The following AKTIP variants were observed in gnomAD, a reference collection of about 807,000 sequenced individuals.
AKTIP encodes AKT-interacting protein.
A neutral mutation model predicts 39.1 loss-of-function variants in AKTIP; 16 were observed. The observed-to-expected ratio is 0.41, with a 90% CI of 0.28 to 0.62. AKTIP has a LOEUF of 0.62. AKTIP is among the 20% of genes least tolerant of loss of function. The pLI, the probability that AKTIP is intolerant of heterozygous loss-of-function variation, is 0.32. For missense variants in AKTIP, 262 were observed against 356.6 expected (o/e 0.73, Z 2.14); for synonymous variants, 93 against 124.3 (o/e 0.75, Z 1.67).
chr16:53,498,187 C>T (rs954975169), intron 3 of AKTIP, among the ~76,000 whole-genome samples: 5 of 152,220 alleles, frequency 3.3e-5, no homozygotes, highest in Non-Finnish European at 5.9e-5. Context: ...CTATTTTTAT[C>T]TCTCTACCTA....
At chr16:53,492,541 G>C (rs570678548) in intron 9 of AKTIP, 22 bp from the exon 10 acceptor site, 2 of 1,612,682 alleles carry the variant, frequency 1.2e-6, no homozygotes, top group East Asian at 2.2e-5. Flanking sequence ...AATCAAAACA[G>C]ATATTTAAAA....
intron 8 of AKTIP, 50 bp downstream of exon 8, chr16:53,494,088 G>T: frequency 7.4e-7 from 1 of 1,347,906 alleles, no homozygotes; most frequent in Non-Finnish European, 1.1e-6. Flanking sequence ...AAAGGAAGCA[G>T]TGTATTGGAA....
At chr16:53,498,819 A>T (rs1163444997) in intron 2 of AKTIP, among the ~76,000 whole-genome samples, 1 of 152,168 alleles carries the variant, frequency 6.6e-6, no homozygotes, top group African/African-American at 2.4e-5. Flanking sequence ...ATATAGGGAA[A>T]CTCATCCTAT....
rs56138099 is a variant in AKTIP at position 53,499,449 on chromosome 16, G to GT, written c.42+768dup. On this transcript the variant is annotated intron_variant, in intron 2 of 9. Transcript: ENST00000394657. ...TTGTTCTCCTAGAGGTGAGATTATA[G>GT]TTTTTTTTTTTTTTTTTTCTTTTTG... Among the ~76,000 whole-genome samples, 964 of 130,702 alleles carry GT rather than the reference G, an allele frequency of 7.4e-3. 10 individuals are homozygous for GT. The highest frequency in any genetic ancestry group is 0.021 in the East Asian group (100 of 4,716). 85.7% of individuals were successfully genotyped at this position (130,702 alleles called of 152,430 possible).
chr16:53,492,319 G>GTT lies in AKTIP; in HGVS notation c.*91_*92dup, dbSNP rs1567754823. ...CTGGCAGTCAGTCATTGTTCACACA[G>GTT]TTTTACTCTTCAGGCAGTCCTCTGC... On this transcript the variant is annotated 3_prime_UTR_variant, in exon 10 of 10. Coordinates refer to ENST00000394657, the MANE Select transcript of AKTIP (RefSeq NM_022476.4). The GTT allele has an allele frequency of 9.2e-7, 1 of 1,092,408 alleles. No individual in the cohort carries two copies. The highest frequency in any genetic ancestry group is 1.6e-5 in the African/African-American group (1 of 63,800). The allele number at this position is 1,092,408 out of a possible 1,614,324, so 67.7% of individuals were successfully genotyped here.
chr16:53,500,102 G>C, intron 2 of AKTIP, 116 bp downstream of exon 2: 1 of 706,276 alleles, frequency 1.4e-6, no homozygotes, highest in East Asian at 2.8e-5. Context: ...GAAAAACCAG[G>C]TAATTTTGTC....
chr16:53,500,295 T>A lies in AKTIP; in HGVS notation c.-36A>T, dbSNP rs766749641. 1 of 1,605,508 alleles carries A rather than the reference T, an allele frequency of 6.2e-7. No homozygotes were observed. Among genetic ancestry groups the A allele is most frequent in the Non-Finnish European group, 8.5e-7 (1 of 1,177,528 alleles). ...CCAAACAAAGAAAGTCAGTGGTGTATCATCCAAATCTTCTGTCTTCGGCAT... is the reference window on the plus strand; with the variant it reads ...CCAAACAAAGAAAGTCAGTGGTGTAACATCCAAATCTTCTGTCTTCGGCAT... On this transcript the variant is annotated 5_prime_UTR_variant, in exon 2 of 10. Coordinates refer to ENST00000394657, the MANE Select transcript of AKTIP (RefSeq NM_022476.4).
At chr16:53,495,348 T>A in intron 3 of AKTIP, 22 bp from the exon 4 acceptor site, 1 of 1,612,586 alleles carries the variant, frequency 6.2e-7, no homozygotes, top group Non-Finnish European at 8.5e-7. Context: ...GCAGAATAAT[T>A]AACTTGTGTG....
chr16:53,497,896 C>T (rs1002003973), intron 3 of AKTIP, among the ~76,000 whole-genome samples: 1 of 152,176 alleles, frequency 6.6e-6, no homozygotes, highest in Non-Finnish European at 1.5e-5. Flanking sequence ...TTACAGGCGC[C>T]TGCCATCAAA....
At chr16:53,503,506 A>G (rs1022254505), upstream of AKTIP, among the ~76,000 whole-genome samples, 1 of 152,174 alleles carries the variant, frequency 6.6e-6, no homozygotes, top group African/African-American at 2.4e-5. Flanking sequence ...CAGTCATGGA[A>G]GTATCGGCCC....
upstream of AKTIP, among the ~76,000 whole-genome samples, chr16:53,503,829 C>T (rs62048544): frequency 0.28 from 42,979 of 152,182 alleles, 6,438 homozygotes; most frequent in Middle Eastern, 0.37. Context: ...AAGAAACGCC[C>T]GTTCTCTCCA....
chr16:53,503,978 G>C (rs916022050), upstream of AKTIP, among the ~76,000 whole-genome samples: 1 of 152,150 alleles, frequency 6.6e-6, no homozygotes, highest in Non-Finnish European at 1.5e-5. Flanking sequence ...CCGGGGGCTG[G>C]GGGGAGGGGG....
chr16:53,493,905 C>A, intron 8 of AKTIP: 3 of 503,148 alleles, frequency 6.0e-6, no homozygotes, highest in South Asian at 3.1e-5. Context: ...CCCTGGGAAA[C>A]CAAAGTCACC....
chr16:53,493,208 A>AAG (rs1186391441), intron 8 of AKTIP: 3 of 163,652 alleles, frequency 1.8e-5, no homozygotes, highest in Non-Finnish European at 4.0e-5. Context: ...GACTACAGGT[A>AAG]CCTGGAGTGC....
At position 53,500,327 on chromosome 16, in the gene AKTIP, T is replaced by C; in HGVS notation, c.-68A>G. On this transcript the variant is annotated splice_region_variant and 5_prime_UTR_variant, in exon 2 of 10. Transcript: ENST00000394657. The stretch of plus-strand genomic sequence containing the variant: ...AATCTTCTGTCTTCGGCATTCACTT[T>C]ACCTTAAAACAAGACGGGAAGACAT... 3 of 1,590,374 alleles carry C rather than the reference T, an allele frequency of 1.9e-6. No individual in the cohort carries two copies. In the South Asian group the frequency reaches 3.5e-5, roughly 18 times the overall value.
Position 53,500,348 on chromosome 16 carries a change from G to T in AKTIP, c.-70-19C>A. ...ACTTTACCTTAAAACAAGACGGGAA[G>T]ACATAGAAACATGCCAACACCAACC... On this transcript the variant is annotated intron_variant, in intron 1 of 9. Coordinates refer to ENST00000394657, the MANE Select transcript of AKTIP (RefSeq NM_022476.4). 1.3e-6 allele frequency: 2 copies of T among 1,534,780 alleles called. No individual in the cohort carries two copies. The highest frequency in any genetic ancestry group is 2.4e-5 in the South Asian group (2 of 82,748).
chr16:53,502,484 G>A (rs913044936), intron 1 of AKTIP, among the ~76,000 whole-genome samples: 3 of 152,182 alleles, frequency 2.0e-5, no homozygotes, highest in African/African-American at 7.2e-5. Flanking sequence ...CATGAGTGCT[G>A]CTGTTACTCT....
At chr16:53,496,945 A>G (rs897144177) in intron 3 of AKTIP, among the ~76,000 whole-genome samples, 6 of 152,120 alleles carry the variant, frequency 3.9e-5, no homozygotes, top group Non-Finnish European at 8.8e-5. Flanking sequence ...AGCCGGGACT[A>G]TAGGTCTGCA....
chr16:53,497,174 CT>C (rs1164041132), intron 3 of AKTIP, among the ~76,000 whole-genome samples: 1 of 152,196 alleles, frequency 6.6e-6, no homozygotes, highest in Non-Finnish European at 1.5e-5. Context: ...ACTTTCTGTC[CT>C]TTTAACAAAT....
Sources: gnomAD v4.1 joint callset for allele counts (sites outside exome capture counted in the v4.1 genomes callset) on GRCh38, gnomAD v4.1.1 for gene constraint, MANE v1.5 for transcripts, NCBI Gene and HGNC (gene_info 2026-07-23, HGNC 2026-07-21) for gene names.